RAD51B: variants seen among roughly 807,000 people sequenced by gnomAD.
RAD51B encodes the protein DNA repair protein RAD51 homolog 2.
A neutral mutation model predicts 42.2 loss-of-function variants in RAD51B; 38 were observed. The ratio of observed to expected loss-of-function variants is 0.90; its 90% CI spans 0.70 to 1.18. RAD51B has a LOEUF of 1.18. Ranked by LOEUF, RAD51B falls within the 50% of genes most tolerant of loss-of-function variation. The pLI is 0.00. For missense variants in RAD51B, 373 were observed against 400.7 expected (o/e 0.93, Z 0.59); for synonymous variants, 154 against 145.2 (o/e 1.06, Z -0.43).
At chr14:68,177,444 A>G (rs1452880448) in intron 7 of RAD51B, among the ~76,000 whole-genome samples, 1 of 152,170 alleles carries the variant, frequency 6.6e-6, no homozygotes, top group Non-Finnish European at 1.5e-5. Flanking sequence ...ACTGATTTCC[A>G]TCTACCAAAA....
At chr14:68,049,577 C>T (rs1030912293) in intron 7 of RAD51B, among the ~76,000 whole-genome samples, 2 of 152,144 alleles carry the variant, frequency 1.3e-5, no homozygotes, top group African/African-American at 4.8e-5. Context: ...CCGAGTTGCT[C>T]GTCACCCTGT....
chr14:68,477,724 C>T lies in RAD51B; in HGVS notation c.*60C>T, dbSNP rs903829482. 8 of 1,589,400 alleles carry T rather than the reference C, an allele frequency of 5.0e-6. No homozygotes were observed. The highest frequency in any genetic ancestry group is 4.1e-5 in the African/African-American group (3 of 72,540). ...TGTGATTTGTGAAATAAAACAGGAC[C>T]GTACTGCTTGGAAGAAGGAAACGGA... is the stretch of plus-strand genomic sequence containing the variant. On this transcript the variant is annotated 3_prime_UTR_variant, in exon 11 of 11. Transcript: ENST00000471583.
chr14:68,477,433 C>T (rs1464777287), intron 10 of RAD51B, among the ~76,000 whole-genome samples: 1 of 152,120 alleles, frequency 6.6e-6, no homozygotes, highest in Non-Finnish European at 1.5e-5. Context: ...TTGTCTATAG[C>T]TATCCTTAGT....
chr14:68,001,466 T>C (rs1292436784), intron 7 of RAD51B, among the ~76,000 whole-genome samples: 1 of 152,186 alleles, frequency 6.6e-6, no homozygotes, highest in African/African-American at 2.4e-5. Flanking sequence ...TCTAGTTTAT[T>C]AGGGTCCTCT....
intron 7 of RAD51B, among the ~76,000 whole-genome samples, chr14:68,076,540 G>A (rs1421624974): frequency 2.0e-5 from 3 of 152,126 alleles, no homozygotes; most frequent in African/African-American, 7.2e-5. Flanking sequence ...CAAAGTTACA[G>A]GAAGGTGGAT....
intron 7 of RAD51B, among the ~76,000 whole-genome samples, chr14:68,207,534 A>G (rs2079617783): frequency 6.6e-6 from 1 of 152,230 alleles, no homozygotes; most frequent in Non-Finnish European, 1.5e-5. Context: ...CCAAATCCAA[A>G]GGCAAGACTG....
intron 7 of RAD51B, among the ~76,000 whole-genome samples, chr14:68,132,141 T>C (rs940078214): frequency 2.3e-4 from 35 of 152,182 alleles, no homozygotes; most frequent in African/African-American, 7.5e-4. Flanking sequence ...TTTGTTAAGA[T>C]TCAAAACTAG....
chr14:68,175,720 A>G (rs1280533505), intron 7 of RAD51B, among the ~76,000 whole-genome samples: 2 of 152,092 alleles, frequency 1.3e-5, no homozygotes, highest in African/African-American at 2.4e-5. Flanking sequence ...TATACATGAG[A>G]TCACCATCTC....
chr14:68,402,597 C>T (rs758414631), intron 8 of RAD51B, among the ~76,000 whole-genome samples: 2 of 152,184 alleles, frequency 1.3e-5, no homozygotes, highest in African/African-American at 2.4e-5. Flanking sequence ...GTAGGGTAGA[C>T]TAAGAAAATC....
intron 7 of RAD51B, among the ~76,000 whole-genome samples, chr14:68,024,821 G>C (rs1389459846): frequency 2.6e-5 from 4 of 151,868 alleles, no homozygotes; most frequent in Non-Finnish European, 5.9e-5. Flanking sequence ...TTTCCTATTT[G>C]GATGCCTTTT....
At chr14:68,081,099 T>C (rs751505138) in intron 7 of RAD51B, among the ~76,000 whole-genome samples, 13 of 152,198 alleles carry the variant, frequency 8.5e-5, no homozygotes, top group Non-Finnish European at 5.9e-5. Context: ...ATTTTGAAGT[T>C]AGGCGCTAAC....
At chr14:68,346,279 G>C (rs1026037386) in intron 8 of RAD51B, among the ~76,000 whole-genome samples, 1 of 152,184 alleles carries the variant, frequency 6.6e-6, no homozygotes, top group African/African-American at 2.4e-5. Context: ...AACTTCATTT[G>C]ATATGATTTC....
At chr14:68,111,718 CAT>C in intron 7 of RAD51B, among the ~76,000 whole-genome samples, 1 of 151,990 alleles carries the variant, frequency 6.6e-6, no homozygotes, top group Admixed American at 6.6e-5. Flanking sequence ...GGGAAAGGAC[CAT>C]CTTGGGCAGG....
chr14:68,036,352 T>C (rs1371694344), intron 7 of RAD51B, among the ~76,000 whole-genome samples: 1 of 152,214 alleles, frequency 6.6e-6, no homozygotes, highest in Non-Finnish European at 1.5e-5. Flanking sequence ...TGCAGTAGAC[T>C]GTTTGGCCTT....
At chr14:68,134,666 T>C (rs2077971339) in intron 7 of RAD51B, among the ~76,000 whole-genome samples, 1 of 152,192 alleles carries the variant, frequency 6.6e-6, no homozygotes, top group African/African-American at 2.4e-5. Context: ...ATTTTTCTAA[T>C]GACTAATTGA....
At chr14:68,272,635 T>TTATATATATACATATATATATA (rs2081129888) in intron 7 of RAD51B, among the ~76,000 whole-genome samples, 1 of 19,850 alleles carries the variant, frequency 5.0e-5, no homozygotes, top group Non-Finnish European at 8.8e-5. Flanking sequence ...TATAAACACT[T>TTATATATATACATATATATATA]TATATATATA....
At chr14:67,939,950 G>A (rs1399635869) in intron 7 of RAD51B, among the ~76,000 whole-genome samples, 1 of 131,400 alleles carries the variant, frequency 7.6e-6, no homozygotes, top group African/African-American at 2.9e-5. Context: ...CTGTAATTAT[G>A]CCTCATAACA....
At chr14:68,462,958 C>G (rs2085881913) in intron 9 of RAD51B, among the ~76,000 whole-genome samples, 1 of 152,210 alleles carries the variant, frequency 6.6e-6, no homozygotes, top group Non-Finnish European at 1.5e-5. Flanking sequence ...AGCCAACTTT[C>G]ACACATTGCA....
chr14:68,550,074 C>T, intron 10 of RAD51B, among the ~76,000 whole-genome samples: 1 of 152,204 alleles, frequency 6.6e-6, no homozygotes, highest in Non-Finnish European at 1.5e-5. Context: ...GACTTTCTCA[C>T]CCCTCTGCAG....
Sources: allele counts gnomAD v4.1 joint callset (sites outside exome capture counted in the v4.1 genomes callset), GRCh38; gene constraint gnomAD v4.1.1; transcripts MANE v1.5; gene names NCBI Gene and HGNC (gene_info 2026-07-23, HGNC 2026-07-21).